The following POR variants were observed in gnomAD, a reference collection of about 807,000 sequenced individuals.
The protein encoded by POR is cytochrome p450 oxidoreductase.
A neutral mutation model predicts 84.0 loss-of-function variants in POR; 56 were observed. The observed-to-expected ratio is 0.67, with a 90% CI of 0.54 to 0.83. The LOEUF (loss-of-function observed/expected upper bound fraction) is 0.83. Ranked by LOEUF, POR falls within the 40% of genes least tolerant of loss-of-function variation. The probability of loss-of-function intolerance (pLI) is 0.00; values close to 1 mark genes in which losing one functional copy is unlikely to be tolerated. For missense variants in POR, 938 were observed against 944.3 expected (o/e 0.99, Z 0.09); for synonymous variants, 414 against 400.5 (o/e 1.03, Z -0.40).
In POR at chr7:75,983,715, C is replaced by CA. The variant is rs1554558516; in HGVS notation, c.948-23_948-22insA. 1.9e-6 allele frequency: 3 copies of CA among 1,610,526 alleles called. No homozygotes were observed. The Admixed American group carries it at 5.0e-5, about 27-fold the overall frequency. On this transcript the variant is annotated intron_variant, in intron 9 of 15. Coordinates refer to ENST00000461988, the MANE Select transcript of POR (RefSeq NM_000941.3). ...GGGCAGGGCCAGCCTTCCGCCCCTC[C>CA]CGAGCCTCACATCTCCCTCCAGGTA...
At chr7:75,916,981 A>G (rs1026308001) in intron 1 of POR, among the ~76,000 whole-genome samples, 9 of 152,204 alleles carry the variant, frequency 5.9e-5, no homozygotes, top group Admixed American at 4.6e-4. Context: ...AGACAGGCCA[A>G]TTGAAATCAA....
chr7:75,921,854 G>A (rs1453141755), intron 1 of POR, among the ~76,000 whole-genome samples: 1 of 151,802 alleles, frequency 6.6e-6, no homozygotes, highest in Non-Finnish European at 1.5e-5. Context: ...CTACAGGCAC[G>A]TGCCTCCACA....
chr7:75,923,384 T>C lies in POR; in HGVS notation c.-5+8205T>C, dbSNP rs1806966776. 5 of 744,244 alleles carry C rather than the reference T, an allele frequency of 6.7e-6. No individual in the cohort carries two copies. The East Asian group carries it at 1.2e-4, about 18-fold the overall frequency. 46.1% of individuals were successfully genotyped at this position (744,244 alleles called of 1,614,324 possible). On this transcript the variant is annotated intron_variant, in intron 1 of 15. Coordinates refer to ENST00000461988, the MANE Select transcript of POR (RefSeq NM_000941.3). Reference sequence around the variant, plus strand: ...AAAATAGTGGACTTTCTGAAGGAGATTGGCACACCTCCATCTTCTTGGGGG... The same window carrying C: ...AAAATAGTGGACTTTCTGAAGGAGACTGGCACACCTCCATCTTCTTGGGGG...
chr7:75,954,211 G>C (rs1554553418), intron 2 of POR, 31 bp downstream of exon 2: 3 of 1,570,366 alleles, frequency 1.9e-6, no homozygotes, highest in Middle Eastern at 1.7e-4. Flanking sequence ...TCCTCTCTCT[G>C]TCCCTCTTCT....
At chr7:75,975,522 C>T (rs930924179) in intron 3 of POR, among the ~76,000 whole-genome samples, 21 of 152,068 alleles carry the variant, frequency 1.4e-4, no homozygotes, top group African/African-American at 5.1e-4. Flanking sequence ...CACCTATAGT[C>T]CCCGCTACCT....
At chr7:75,927,433 G>GTGTGAGA (rs1807184446) in intron 1 of POR, among the ~76,000 whole-genome samples, 1 of 151,688 alleles carries the variant, frequency 6.6e-6, no homozygotes, top group Non-Finnish European at 1.5e-5. Flanking sequence ...CAGCAGCCTG[G>GTGTGAGA]CTGACAGAGT....
chr7:75,969,503 C>T (rs1300997236), intron 2 of POR, among the ~76,000 whole-genome samples: 3 of 152,232 alleles, frequency 2.0e-5, no homozygotes, highest in South Asian at 2.1e-4. Context: ...GGCGCAGTGC[C>T]TCCCGTGCCC....
At chr7:75,923,247 G>A (rs1381968459) in intron 1 of POR, 2 of 1,160,246 alleles carry the variant, frequency 1.7e-6, no homozygotes, top group Non-Finnish European at 2.5e-6. Flanking sequence ...AAAGCTTGGT[G>A]TCTTTTGCTT....
At chr7:75,934,468 CAGAA>C (rs1807573417) in intron 1 of POR, among the ~76,000 whole-genome samples, 1 of 152,002 alleles carries the variant, frequency 6.6e-6, no homozygotes. Flanking sequence ...GGCCATGTGA[CAGAA>C]AGAAAAAACT....
In POR at chr7:75,939,536, CTTTTTT is replaced by C. The variant is rs3043448; in HGVS notation, c.-4-14436_-4-14431del. ...AGGCCCCACAGGCCCTACTCAACAG[CTTTTTT>C]TTTTTTTTTTTTTTTTAAATACAGA... On this transcript the variant is annotated intron_variant, in intron 1 of 15. Transcript: ENST00000461988. Among the ~76,000 whole-genome samples the C allele has an allele frequency of 7.7e-3, 975 of 126,098 alleles. 15 individuals are homozygous for C. The highest frequency in any genetic ancestry group is 0.033 in the Middle Eastern group (8 of 244). The allele number at this position is 126,098 out of a possible 152,430, so 82.7% of individuals were successfully genotyped here. A position where few individuals can be genotyped will look rare whatever the true frequency, so the allele number is the denominator to read the frequency against.
At chr7:75,920,991 T>TG (rs1448302857) in intron 1 of POR, among the ~76,000 whole-genome samples, 1 of 152,160 alleles carries the variant, frequency 6.6e-6, no homozygotes, top group South Asian at 2.1e-4. Flanking sequence ...TCAGACCCTT[T>TG]GACTGCTCAT....
chr7:75,943,736 C>A, intron 1 of POR: 1 of 360,568 alleles, frequency 2.8e-6, no homozygotes, highest in Admixed American at 3.3e-5. Context: ...TAAACAACAA[C>A]TGAAAAGTAT....
intron 2 of POR, 88 bp from the exon 3 acceptor site, chr7:75,972,325 A>T (rs1788477494): frequency 8.4e-7 from 1 of 1,193,384 alleles, no homozygotes; most frequent in Non-Finnish European, 1.2e-6. Context: ...CATCCCATGA[A>T]ACCTGCATCT....
At chr7:75,919,718 C>T (rs958648282) in intron 1 of POR, among the ~76,000 whole-genome samples, 9 of 151,978 alleles carry the variant, frequency 5.9e-5, no homozygotes, top group Non-Finnish European at 7.4e-5. Context: ...TGACGCTGGT[C>T]GGTGTGGCAA....
At chr7:75,982,728 G>A (rs927224856) in intron 8 of POR, among the ~76,000 whole-genome samples, 1 of 152,200 alleles carries the variant, frequency 6.6e-6, no homozygotes, top group African/African-American at 2.4e-5. Context: ...ATTCCTGCCC[G>A]AGCCACCCAG....
chr7:75,973,478 T>A (rs1394852305), intron 3 of POR, among the ~76,000 whole-genome samples: 1 of 151,894 alleles, frequency 6.6e-6, no homozygotes, highest in Non-Finnish European at 1.5e-5. Flanking sequence ...CACGCCTGGC[T>A]AATTTTTTAA....
At chr7:75,973,793 C>A (rs1193153355) in intron 3 of POR, among the ~76,000 whole-genome samples, 1 of 150,090 alleles carries the variant, frequency 6.7e-6, no homozygotes, top group Non-Finnish European at 1.5e-5. Context: ...GTGATTCTCC[C>A]GCATCAGCCT....
intron 1 of POR, among the ~76,000 whole-genome samples, chr7:75,949,643 C>T (rs1434971014): frequency 6.6e-6 from 1 of 152,002 alleles, no homozygotes; most frequent in Non-Finnish European, 1.5e-5. Context: ...CCTCAGCCTC[C>T]TGAGTAGCTG....
rs782369494 is a variant in POR at position 75,983,843 on chromosome 7, G to A, written c.1053G>A (p.Leu351=). Residue 351 remains leucine, a synonymous_variant, in exon 10 of 16, where the codon CTG becomes CTA. Transcript: ENST00000461988. ...CCGACCTGGACGTCGTCATGTCCCT[G>A]AACAACCTGGATGGTGAGTGCCACA... 8.7e-5 allele frequency: 140 copies of A among 1,607,456 alleles called. No homozygotes were observed. The South Asian group carries it at 1.5e-3, about 17-fold the overall frequency.
Sources: gnomAD v4.1 joint callset for allele counts (sites outside exome capture counted in the v4.1 genomes callset) on GRCh38, gnomAD v4.1.1 for gene constraint, MANE v1.5 for transcripts, NCBI Gene and HGNC (gene_info 2026-07-23, HGNC 2026-07-21) for gene names.